The following LARGE1 variants were observed in gnomAD, a reference collection of about 807,000 sequenced individuals.
LARGE1 encodes the protein LARGE xylosyl- and glucuronyltransferase 1, also known as xylosyl- and glucuronyltransferase LARGE1.
LARGE1 carries 43 observed loss-of-function variants against 87.6 expected under a neutral mutation model. The observed-to-expected ratio is 0.49, with a 90% confidence interval of 0.38 to 0.63. The LOEUF (loss-of-function observed/expected upper bound fraction) is 0.63, where lower values mean the gene tolerates loss of function less well. Ranked by LOEUF, LARGE1 falls within the 30% of genes least tolerant of loss-of-function variation. The pLI, the probability that LARGE1 is intolerant of heterozygous loss-of-function variation, is 0.00. For missense variants in LARGE1, 802 were observed against 1,000.2 expected (o/e 0.80, Z 2.67); for synonymous variants, 434 against 394.6 (o/e 1.10, Z -1.18).
intron 2 of LARGE1, among the ~76,000 whole-genome samples, chr22:33,740,399 A>G (rs1211769672): frequency 6.6e-6 from 1 of 152,166 alleles, no homozygotes; most frequent in African/African-American, 2.4e-5. Context: ...CCACCTTTCT[A>G]TAATTTCCCT....
chr22:33,645,233 T>C (rs562839934), intron 3 of LARGE1, among the ~76,000 whole-genome samples: 1 of 152,164 alleles, frequency 6.6e-6, no homozygotes, highest in African/African-American at 2.4e-5. Context: ...ATGGTACTGG[T>C]ACCAAAACAG....
intron 11 of LARGE1, among the ~76,000 whole-genome samples, chr22:33,265,291 C>A (rs1026685855): frequency 5.9e-5 from 9 of 152,088 alleles, no homozygotes; most frequent in Non-Finnish European, 1.3e-4. Context: ...TTAGCAAGAA[C>A]CAAGCAACCC....
chr22:33,103,005 G>A, the LARGE1 span, among the ~76,000 whole-genome samples: 3 of 152,044 alleles, frequency 2.0e-5, no homozygotes, highest in East Asian at 1.9e-4. Flanking sequence ...ATTTTTGGAC[G>A]TCCCCTAGGA....
chr22:33,395,101 C>A (rs375340417), intron 7 of LARGE1, among the ~76,000 whole-genome samples: 1 of 151,894 alleles, frequency 6.6e-6, no homozygotes, highest in Non-Finnish European at 1.5e-5. Flanking sequence ...TGGTGGCGGG[C>A]CCCTGTAGTC....
chr22:33,709,985 A>C (rs547864648), intron 2 of LARGE1, among the ~76,000 whole-genome samples: 7,022 of 150,036 alleles, frequency 0.047, 214 homozygotes, highest in East Asian at 0.14. Context: ...GGCAGAAAAA[A>C]AAAAAAAAAA....
downstream of LARGE1, among the ~76,000 whole-genome samples, chr22:33,269,962 G>A (rs573060407): frequency 2.4e-3 from 363 of 148,326 alleles, 1 homozygote; most frequent in Admixed American, 4.7e-3. Context: ...CCGAGATCGC[G>A]CCACTACACT....
chr22:33,154,511 A>T, the LARGE1 span, among the ~76,000 whole-genome samples: 3 of 152,164 alleles, frequency 2.0e-5, no homozygotes, highest in African/African-American at 7.2e-5. Context: ...AAGTGTTAGG[A>T]TTACAGGTGT....
chr22:33,839,199 A>T (rs1481158164), intron 1 of LARGE1, among the ~76,000 whole-genome samples: 1 of 152,378 alleles, frequency 6.6e-6, no homozygotes, highest in East Asian at 1.9e-4. Flanking sequence ...CAGGAAACTT[A>T]CAATCATGGT....
chr22:33,130,081 A>T, the LARGE1 span, among the ~76,000 whole-genome samples: 54,046 of 151,698 alleles, frequency 0.36, 9,806 homozygotes, highest in South Asian at 0.46. Flanking sequence ...TTGGGAGGCC[A>T]AGGCGGGCGG....
chr22:33,171,562 A>G (rs1365442201), intron 11 of LARGE1, among the ~76,000 whole-genome samples: 1 of 152,184 alleles, frequency 6.6e-6, no homozygotes, highest in Admixed American at 6.5e-5. Context: ...CCTGCATCCC[A>G]GCCACTCCAG....
intron 3 of LARGE1, among the ~76,000 whole-genome samples, chr22:33,632,786 T>C (rs1258302288): frequency 6.6e-6 from 1 of 152,242 alleles, no homozygotes; most frequent in Non-Finnish European, 1.5e-5. Flanking sequence ...AGATACTTGC[T>C]GATCCCTAAA....
chr22:33,298,983 C>T lies in LARGE1; in HGVS notation c.1730+5246G>A, dbSNP rs145739830. ...CAGCACTTTGGGAGGCCTGGGTGGG[C>T]GGATCACTTGAGACTAGGAGTTCAA... is the stretch of plus-strand genomic sequence containing the variant. On this transcript the variant is annotated intron_variant, in intron 12 of 14. Transcript: ENST00000397394. Among the ~76,000 whole-genome samples, 8 of 151,688 alleles carry T rather than the reference C, an allele frequency of 5.3e-5. No homozygotes were observed. The East Asian group carries it at 9.7e-4, about 18-fold the overall frequency.
downstream of LARGE1, among the ~76,000 whole-genome samples, chr22:33,157,992 T>C (rs531310155): frequency 6.6e-6 from 1 of 152,180 alleles, no homozygotes; most frequent in African/African-American, 2.4e-5. Context: ...AATAGTAAAT[T>C]TGCAGAACAA....
At chr22:33,458,411 T>C (rs375095921) in intron 6 of LARGE1, among the ~76,000 whole-genome samples, 27 of 144,532 alleles carry the variant, frequency 1.9e-4, no homozygotes, top group African/African-American at 5.7e-4. Context: ...GCCAAAAATG[T>C]CTATTTTTAC....
intron 11 of LARGE1, among the ~76,000 whole-genome samples, chr22:33,222,891 TC>T (rs1310661266): frequency 6.6e-6 from 1 of 152,128 alleles, no homozygotes; most frequent in Non-Finnish European, 1.5e-5. Context: ...CTGGACTTTT[TC>T]CCCAGAGGGA....
At chr22:33,417,825 C>A (rs1382397450) in intron 7 of LARGE1, among the ~76,000 whole-genome samples, 1 of 152,236 alleles carries the variant, frequency 6.6e-6, no homozygotes, top group African/African-American at 2.4e-5. Context: ...CGACCATCTG[C>A]AACTCCTTGT....
intron 1 of LARGE1, among the ~76,000 whole-genome samples, chr22:33,912,781 A>C (rs1449375758): frequency 1.3e-5 from 2 of 151,768 alleles, no homozygotes; most frequent in African/African-American, 4.8e-5. Flanking sequence ...ACAATGAAAA[A>C]AAAAAAAGCC....
intron 1 of LARGE1, among the ~76,000 whole-genome samples, chr22:33,832,158 A>ATAG (rs753334656): frequency 1.1e-4 from 16 of 152,162 alleles, no homozygotes; most frequent in Non-Finnish European, 1.9e-4. Flanking sequence ...CTTCAGCATG[A>ATAG]GTCCTGGCAC....
At chr22:33,642,414 C>T (rs751518939) in intron 3 of LARGE1, among the ~76,000 whole-genome samples, 2 of 152,068 alleles carry the variant, frequency 1.3e-5, no homozygotes, top group African/African-American at 4.8e-5. Flanking sequence ...AAAACTAGCA[C>T]CAGCCACTGC....
Sources: allele counts gnomAD v4.1 joint callset (sites outside exome capture counted in the v4.1 genomes callset), GRCh38; gene constraint gnomAD v4.1.1; transcripts MANE v1.5; gene names NCBI Gene and HGNC (gene_info 2026-07-23, HGNC 2026-07-21).